Variants in WDR1 observed in about 807,000 individuals in gnomAD.
WDR1 encodes WD repeat-containing protein 1.
Under a neutral mutation model 71.9 loss-of-function variants are expected in WDR1, and 21 were observed. The observed-to-expected ratio is 0.29, with a 90% CI of 0.21 to 0.42. WDR1 has a LOEUF of 0.42. WDR1 is among the 10% of genes least tolerant of loss of function. The pLI, the probability that WDR1 is intolerant of heterozygous loss-of-function variation, is 1.00. For synonymous variants in WDR1, 424 were observed against 347.4 expected, an observed-to-expected ratio of 1.22 and a Z score of -2.45; for missense variants, 696 against 824.5, an observed-to-expected ratio of 0.84 and a Z score of 1.91.
intron 4 of WDR1, among the ~76,000 whole-genome samples, chr4:10,098,399 C>G (rs1560540011): frequency 6.6e-6 from 1 of 152,254 alleles, no homozygotes; most frequent in Non-Finnish European, 1.5e-5. Flanking sequence ...CAGTGAAGAA[C>G]AGACATGCCA....
At position 10,116,739 on chromosome 4, in the gene WDR1, G is replaced by C. The variant is rs1165674234; in HGVS notation, c.-73C>G. 18 of 1,273,728 alleles carry C rather than the reference G, an allele frequency of 1.4e-5. No homozygotes were observed. Among genetic ancestry groups the C allele is most frequent in the Non-Finnish European group, 1.7e-5 (17 of 1,007,688 alleles). The allele number at this position is 1,273,728 out of a possible 1,614,324, so 78.9% of individuals were successfully genotyped here. ...CGGCCCGCGCTGCGAATTACACCTC[G>C]CCGAGGCCGAGCCCGGGGACTGGAG... On this transcript the variant is annotated 5_prime_UTR_variant, in exon 1 of 15. Transcript: ENST00000499869.
Position 10,077,807 on chromosome 4 carries a change from C to T in WDR1, c.1515G>A (p.Ala505=), listed in dbSNP as rs769689037. 39 of 1,605,466 alleles carry T rather than the reference C, an allele frequency of 2.4e-5. No individual in the cohort carries two copies. The highest frequency in any genetic ancestry group is 2.9e-5 in the Non-Finnish European group (34 of 1,176,358). ...TGACCACCTTGCTGGCGTCGCACAC[C>T]GCGAGGAAGGCGCCGTCGTGGGAGT... is the stretch of plus-strand genomic sequence containing the variant. ...VAYSHDGAFL[A]VCDASKVVTV... is the part of the protein sequence containing the mutation. The change falls in exon 13 of 15, where the codon GCG becomes GCA. Residue 505 remains alanine (A), a synonymous_variant. Transcript: ENST00000499869.
intron 11 of WDR1, 97 bp downstream of exon 11, chr4:10,081,260 T>C: frequency 1.7e-6 from 2 of 1,191,602 alleles, no homozygotes; most frequent in Non-Finnish European, 2.5e-6. Context: ...ACCAAAACAC[T>C]GGCTAGAGCA....
chr4:10,101,363 G>A (rs750285940), intron 3 of WDR1, among the ~76,000 whole-genome samples: 3 of 152,236 alleles, frequency 2.0e-5, no homozygotes, highest in Non-Finnish European at 4.4e-5. Context: ...CACTTAGTGG[G>A]CCAGCACGGC....
intron 4 of WDR1, 79 bp downstream of exon 4, chr4:10,098,913 A>G (rs1469216485): frequency 1.3e-6 from 2 of 1,588,710 alleles, no homozygotes; most frequent in Non-Finnish European, 1.7e-6. Flanking sequence ...ACATCAGCGC[A>G]TCCCCCTCCC....
chr4:10,115,815 C>G, intron 2 of WDR1: 1 of 335,920 alleles, frequency 3.0e-6, no homozygotes, highest in African/African-American at 2.1e-5. Flanking sequence ...ACGTACTAAC[C>G]AGGCCTGACC....
intron 5 of WDR1, chr4:10,092,504 G>GATCTC: frequency 1.3e-5 from 2 of 153,814 alleles, no homozygotes; most frequent in Admixed American, 6.4e-5. Context: ...GGCTCTGGCA[G>GATCTC]GGTGGTGTCA....
chr4:10,111,572 C>G (rs1052396964), intron 2 of WDR1, among the ~76,000 whole-genome samples: 1 of 152,196 alleles, frequency 6.6e-6, no homozygotes, highest in Admixed American at 6.5e-5. Context: ...ACAGTGAGCT[C>G]CATGTGGGCA....
intron 6 of WDR1, 23 bp from the exon 7 acceptor site, chr4:10,088,396 G>C (rs1324492525): frequency 6.5e-7 from 1 of 1,549,472 alleles, no homozygotes; most frequent in African/African-American, 1.4e-5. Context: ...AAAAACATGT[G>C]GGTCATGTGT....
chr4:10,079,985 A>T (rs2109638741), intron 11 of WDR1, among the ~76,000 whole-genome samples: 1 of 150,950 alleles, frequency 6.6e-6, no homozygotes, highest in South Asian at 2.1e-4. Flanking sequence ...TAACTCTTTG[A>T]CTGGTGACAG....
At chr4:10,113,177 G>C (rs1412415554) in intron 2 of WDR1, among the ~76,000 whole-genome samples, 1 of 152,122 alleles carries the variant, frequency 6.6e-6, no homozygotes. Flanking sequence ...TGGCCAACAC[G>C]GCGAAACCCC....
chr4:10,103,466 T>A (rs1712827406), intron 3 of WDR1, among the ~76,000 whole-genome samples: 1 of 152,152 alleles, frequency 6.6e-6, no homozygotes, highest in Admixed American at 6.5e-5. Flanking sequence ...GTTCTAGAAC[T>A]AAGGCCAGTT....
intron 1 of WDR1, 48 bp from the exon 2 acceptor site, chr4:10,116,282 G>T (rs779856134): frequency 2.5e-6 from 4 of 1,610,750 alleles, no homozygotes; most frequent in African/African-American, 2.7e-5. Flanking sequence ...GGGCGGGGAC[G>T]GCGGGGACAG....
intron 8 of WDR1, among the ~76,000 whole-genome samples, chr4:10,085,585 G>GCAAGAGGC (rs1765178080): frequency 6.6e-6 from 1 of 152,218 alleles, no homozygotes. Flanking sequence ...CGTGCACTCG[G>GCAAGAGGC]CAAGAGGCCA....
At chr4:10,099,168 G>T in intron 3 of WDR1, 29 bp from the exon 4 acceptor site, 2 of 1,313,448 alleles carry the variant, frequency 1.5e-6, no homozygotes, top group East Asian at 2.5e-5. Context: ...GGGGGAGGGG[G>T]GGAGGCGGTG....
At chr4:10,099,169 G>T in intron 3 of WDR1, 30 bp from the exon 4 acceptor site, 2 of 1,247,280 alleles carry the variant, frequency 1.6e-6, no homozygotes, top group Non-Finnish European at 1.1e-6. Context: ...GGGGAGGGGG[G>T]GAGGCGGTGG....
At chr4:10,079,147 G>C (rs1764915981) in intron 11 of WDR1, 146 bp from the exon 12 acceptor site, 1 of 605,264 alleles carries the variant, frequency 1.7e-6, no homozygotes, top group African/African-American at 1.9e-5. Flanking sequence ...CTGGGGCTCT[G>C]AGCCACACCA....
intron 2 of WDR1, among the ~76,000 whole-genome samples, chr4:10,112,315 C>T (rs1312496933): frequency 6.6e-6 from 1 of 152,104 alleles, no homozygotes; most frequent in East Asian, 1.9e-4. Context: ...CTTCCTTAGA[C>T]CCCCGAAGCA....
chr4:10,102,479 CTCT>C (rs891609152), intron 3 of WDR1, among the ~76,000 whole-genome samples: 1 of 152,106 alleles, frequency 6.6e-6, no homozygotes, highest in African/African-American at 2.4e-5. Flanking sequence ...AGCCCAGCCC[CTCT>C]TCTTCTCTCA....
Sources: allele counts gnomAD v4.1 joint callset (sites outside exome capture counted in the v4.1 genomes callset), GRCh38; gene constraint gnomAD v4.1.1; transcripts MANE v1.5; gene names NCBI Gene and HGNC (gene_info 2026-07-23, HGNC 2026-07-21).